MRTFA: variants seen among roughly 807,000 people sequenced by gnomAD.
MRTFA encodes myocardin-related transcription factor A.
MRTFA carries 20 observed loss-of-function variants against 83.5 expected under a neutral mutation model. That is an observed-to-expected ratio of 0.24 (90% CI 0.17 to 0.35). MRTFA has a LOEUF of 0.35. MRTFA is among the 10% of genes least tolerant of loss of function. The pLI, the probability that MRTFA is intolerant of heterozygous loss-of-function variation, is 1.00. For synonymous variants in MRTFA, 659 were observed against 541.2 expected (o/e 1.22, Z -3.02); for missense variants, 1,200 against 1,224.7 (o/e 0.98, Z 0.30).
intron 3 of MRTFA, among the ~76,000 whole-genome samples, chr22:40,540,630 A>C (rs1159089144): frequency 6.6e-6 from 1 of 152,062 alleles, no homozygotes; most frequent in Non-Finnish European, 1.5e-5. Context: ...AAATACAAAA[A>C]TTAGCCAGGC....
intron 2 of MRTFA, among the ~76,000 whole-genome samples, chr22:40,574,832 C>T (rs777074995): frequency 6.6e-6 from 1 of 152,160 alleles, no homozygotes; most frequent in Non-Finnish European, 1.5e-5. Flanking sequence ...GGGACTTCAG[C>T]TCCATGGATT....
intron 6 of MRTFA, among the ~76,000 whole-genome samples, chr22:40,430,921 G>A (rs1184418201): frequency 1.3e-5 from 2 of 151,184 alleles, no homozygotes; most frequent in Non-Finnish European, 2.9e-5. Flanking sequence ...ATGTGCAGCT[G>A]GGGCCAGGTG....
chr22:40,561,212 C>CTGTGTGTG (rs60830555), intron 2 of MRTFA, among the ~76,000 whole-genome samples: 19 of 146,008 alleles, frequency 1.3e-4, no homozygotes, highest in African/African-American at 4.3e-4. Flanking sequence ...GTGTGTGTGT[C>CTGTGTGTG]TGTGTGTGTG....
intron 3 of MRTFA, among the ~76,000 whole-genome samples, chr22:40,511,280 A>G (rs1190413040): frequency 6.6e-6 from 1 of 152,162 alleles, no homozygotes; most frequent in East Asian, 1.9e-4. Context: ...TACAACAAGA[A>G]AGGAGGAATT....
chr22:40,457,430 AAGAAAG>A lies in MRTFA; in HGVS notation c.307+5785_307+5790del, dbSNP rs766069206. On this transcript the variant is annotated intron_variant, in intron 4 of 14. Transcript: ENST00000355630. ...AGAGAGAGAGAGACAGAATGAAAGA[AAGAAAG>A]AGAAAGAAAGAAAGAAAGAAAGAAA... Among the ~76,000 whole-genome samples, 483 of 104,516 alleles carry A rather than the reference AAGAAAG, an allele frequency of 4.6e-3. 4 individuals are homozygous for A. The highest frequency in any genetic ancestry group is 0.023 in the Middle Eastern group (5 of 222). 68.6% of individuals were successfully genotyped at this position (104,516 alleles called of 152,430 possible). A position where few individuals can be genotyped will look rare whatever the true frequency, so the allele number is the denominator to read the frequency against.
chr22:40,507,354 C>T (rs2054596512), intron 3 of MRTFA, among the ~76,000 whole-genome samples: 2 of 151,316 alleles, frequency 1.3e-5, no homozygotes, highest in Admixed American at 1.3e-4. Flanking sequence ...GAGTGAGACC[C>T]TATGTCAAAA....
chr22:40,483,685 TA>T (rs536293323), intron 3 of MRTFA, among the ~76,000 whole-genome samples: 79 of 140,826 alleles, frequency 5.6e-4, no homozygotes, highest in Middle Eastern at 3.7e-3. Context: ...ACTGTCTCAA[TA>T]AAAAAAAAAA....
intron 3 of MRTFA, among the ~76,000 whole-genome samples, chr22:40,538,383 A>T (rs1428257758): frequency 1.3e-5 from 2 of 148,880 alleles, no homozygotes; most frequent in Non-Finnish European, 3.0e-5. Flanking sequence ...GCTCGTTAAG[A>T]GTCATCACCA....
At chr22:40,484,032 G>A (rs1401771867) in intron 3 of MRTFA, among the ~76,000 whole-genome samples, 6 of 151,906 alleles carry the variant, frequency 3.9e-5, no homozygotes, top group Non-Finnish European at 5.9e-5. Context: ...CCTTTTCTAT[G>A]GGAAGCAGTA....
At chr22:40,577,495 T>C (rs1174214942) in intron 2 of MRTFA, among the ~76,000 whole-genome samples, 1 of 152,302 alleles carries the variant, frequency 6.6e-6, no homozygotes, top group Admixed American at 6.5e-5. Flanking sequence ...GGCATGTTTA[T>C]GTGACCACTT....
Position 40,592,492 on chromosome 22 carries a change from CT to C in MRTFA, c.-22+2181del, listed in dbSNP as rs978906466. On this transcript the variant is annotated intron_variant, in intron 2 of 14. Coordinates refer to ENST00000355630, the MANE Select transcript of MRTFA (RefSeq NM_020831.6). ...AAAAATCTGTGGACATTTTTTTTTT[CT>C]TTTTTTTTTTTTGGAGACAGGGTCT... 5.3e-3 allele frequency among the ~76,000 whole-genome samples: 693 copies of C among 129,986 alleles called. 7 individuals carry two copies. The highest frequency in any genetic ancestry group is 0.016 in the African/African-American group (566 of 35,950). The allele number at this position is 129,986 out of a possible 152,430, so 85.3% of individuals were successfully genotyped here.
chr22:40,463,418 C>T (rs1003117504), intron 3 of MRTFA, 132 bp from the exon 4 acceptor site: 2 of 699,946 alleles, frequency 2.9e-6, no homozygotes, highest in African/African-American at 3.6e-5. Context: ...CCTTGAAGTG[C>T]AACTGTCTGT....
At chr22:40,557,923 G>A (rs966443334) in intron 2 of MRTFA, among the ~76,000 whole-genome samples, 6 of 152,078 alleles carry the variant, frequency 3.9e-5, no homozygotes, top group East Asian at 1.9e-4. Context: ...ATAGGCATGC[G>A]CCACCAGGCC....
intron 2 of MRTFA, chr22:40,587,662 A>G (rs1048012838): frequency 1.8e-4 from 58 of 313,518 alleles, no homozygotes; most frequent in African/African-American, 1.1e-3. Flanking sequence ...TGTTCACTCT[A>G]CAGTGCCAAC....
chr22:40,590,531 G>A (rs946517296), intron 2 of MRTFA, among the ~76,000 whole-genome samples: 7 of 151,802 alleles, frequency 4.6e-5, no homozygotes, highest in African/African-American at 1.7e-4. Flanking sequence ...GTCGGGCATA[G>A]TGGCACACAC....
chr22:40,441,615 C>T (rs1033110510), intron 4 of MRTFA, among the ~76,000 whole-genome samples: 1 of 151,990 alleles, frequency 6.6e-6, no homozygotes, highest in African/African-American at 2.4e-5. Flanking sequence ...TGAAACCACC[C>T]CCCACTACTA....
intron 2 of MRTFA, among the ~76,000 whole-genome samples, chr22:40,558,913 G>T (rs1393220207): frequency 6.6e-6 from 1 of 151,620 alleles, no homozygotes; most frequent in African/African-American, 2.4e-5. Context: ...AGCCTCCCGA[G>T]TAGCTGGGAT....
intron 2 of MRTFA, chr22:40,588,027 A>ATTTTTTTTTT (rs771409551): frequency 1.4e-5 from 2 of 143,498 alleles, no homozygotes; most frequent in Admixed American, 7.3e-5. Flanking sequence ...ACACTCCAAC[A>ATTTTTTTTTT]TTTTTTTTTT....
intron 1 of MRTFA, among the ~76,000 whole-genome samples, chr22:40,619,116 T>C (rs1436168172): frequency 6.6e-6 from 1 of 152,126 alleles, no homozygotes; most frequent in East Asian, 1.9e-4. Flanking sequence ...ATCTGAAGTG[T>C]TGCTGTGAAA....
Sources: gnomAD v4.1 joint callset for allele counts (sites outside exome capture counted in the v4.1 genomes callset) on GRCh38, gnomAD v4.1.1 for gene constraint, MANE v1.5 for transcripts, NCBI Gene and HGNC (gene_info 2026-07-23, HGNC 2026-07-21) for gene names.